The following MARCHF1 variants were observed in gnomAD, a reference collection of about 807,000 sequenced individuals.
MARCHF1 encodes E3 ubiquitin-protein ligase MARCHF1.
MARCHF1 carries 40 observed loss-of-function variants against 54.2 expected under a neutral mutation model. That is an observed-to-expected ratio of 0.74 (90% CI 0.57 to 0.96). The LOEUF is 0.96. MARCHF1 is among the 40% of genes least tolerant of loss of function. The pLI is 0.00. For missense variants in MARCHF1, 586 were observed against 656.5 expected (o/e 0.89, Z 1.17); for synonymous variants, 236 against 236.3 (o/e 1.00, Z 0.01).
chr4:163,884,936 G>T (rs1297493312), intron 3 of MARCHF1, among the ~76,000 whole-genome samples: 1 of 152,110 alleles, frequency 6.6e-6, no homozygotes, highest in African/African-American at 2.4e-5. Flanking sequence ...AAAGCTAATT[G>T]TCCACTATTC....
rs1741408208 is a variant in MARCHF1 at position 163,613,303 on chromosome 4, T to G, written c.242+11A>C. ...AAGAATATAGATTAAGATAATTTGTTCAGCACTTACCTGCAGATGTCCTGA... is the reference window on the plus strand; with the variant it reads ...AAGAATATAGATTAAGATAATTTGTGCAGCACTTACCTGCAGATGTCCTGA... On this transcript the variant is annotated intron_variant, in intron 6 of 9. Transcript: ENST00000514618. The G allele has an allele frequency of 1.9e-6, 3 of 1,599,642 alleles. No individual in the cohort carries two copies. The African/African-American group carries it at 4.1e-5, about 22-fold the overall frequency.
intron 4 of MARCHF1, among the ~76,000 whole-genome samples, chr4:163,746,899 G>A (rs896175658): frequency 1.3e-5 from 2 of 152,260 alleles, no homozygotes; most frequent in East Asian, 1.9e-4. Context: ...CTTTCTCAGA[G>A]GCTAAAAACT....
intron 2 of MARCHF1, among the ~76,000 whole-genome samples, chr4:164,058,811 G>T (rs1754549850): frequency 6.6e-6 from 1 of 152,302 alleles, no homozygotes; most frequent in East Asian, 1.9e-4. Context: ...GGAATGGTTG[G>T]TAAAGTCTCT....
chr4:164,076,045 T>A (rs575876291), intron 2 of MARCHF1, among the ~76,000 whole-genome samples: 1 of 152,194 alleles, frequency 6.6e-6, no homozygotes, highest in South Asian at 2.1e-4. Flanking sequence ...AGGTGCTTGG[T>A]AGGTGCTTAA....
At chr4:163,878,845 T>G (rs1750352219) in intron 3 of MARCHF1, among the ~76,000 whole-genome samples, 1 of 152,194 alleles carries the variant, frequency 6.6e-6, no homozygotes, top group Non-Finnish European at 1.5e-5. Context: ...AGTAATTAGG[T>G]AAGTTTATTC....
At chr4:163,617,053 A>G (rs1741538206) in intron 5 of MARCHF1, among the ~76,000 whole-genome samples, 1 of 152,190 alleles carries the variant, frequency 6.6e-6, no homozygotes, top group African/African-American at 2.4e-5. Flanking sequence ...ATATATATGC[A>G]TAATACAATT....
At chr4:164,161,181 G>C (rs147221439) in intron 1 of MARCHF1, among the ~76,000 whole-genome samples, 95 of 152,160 alleles carry the variant, frequency 6.2e-4, no homozygotes, top group African/African-American at 2.1e-3. Context: ...CATCACCCTT[G>C]GTTCTGTCCT....
chr4:164,001,577 A>C (rs1196910841), intron 2 of MARCHF1, among the ~76,000 whole-genome samples: 1 of 151,922 alleles, frequency 6.6e-6, no homozygotes, highest in East Asian at 1.9e-4. Flanking sequence ...TAGGCAGCAC[A>C]GACACATGAT....
intron 1 of MARCHF1, among the ~76,000 whole-genome samples, chr4:164,325,773 C>G (rs766183410): frequency 5.9e-5 from 9 of 151,488 alleles, no homozygotes; most frequent in African/African-American, 1.7e-4. Context: ...GAAAGAAAAC[C>G]TAAATTGTAT....
intron 7 of MARCHF1, among the ~76,000 whole-genome samples, chr4:163,588,148 G>T (rs1740471526): frequency 6.6e-6 from 1 of 152,162 alleles, no homozygotes; most frequent in Non-Finnish European, 1.5e-5. Flanking sequence ...GCTGGGATGA[G>T]AACACAGGGA....
chr4:164,281,641 A>T (rs917451846), intron 1 of MARCHF1, among the ~76,000 whole-genome samples: 1 of 152,174 alleles, frequency 6.6e-6, no homozygotes, highest in Non-Finnish European at 1.5e-5. Context: ...TAGGGCTGCA[A>T]TGGTGAGAAG....
At chr4:164,261,311 G>A (rs187703143) in intron 1 of MARCHF1, among the ~76,000 whole-genome samples, 99 of 152,116 alleles carry the variant, frequency 6.5e-4, no homozygotes, top group African/African-American at 2.2e-3. Context: ...ATCTGCTAAG[G>A]TAGATATGAT....
At chr4:164,168,306 C>T (rs1730432483) in intron 1 of MARCHF1, among the ~76,000 whole-genome samples, 1 of 151,848 alleles carries the variant, frequency 6.6e-6, no homozygotes, top group Non-Finnish European at 1.5e-5. Flanking sequence ...AAAACAGAAC[C>T]TTAGTGTATT....
At chr4:163,984,498 G>A (rs1752823436) in intron 3 of MARCHF1, among the ~76,000 whole-genome samples, 1 of 152,148 alleles carries the variant, frequency 6.6e-6, no homozygotes, top group African/African-American at 2.4e-5. Flanking sequence ...TGCAGCGCAG[G>A]TGCCAGAAAC....
At chr4:163,605,781 T>C (rs1741121363) in intron 7 of MARCHF1, among the ~76,000 whole-genome samples, 2 of 152,068 alleles carry the variant, frequency 1.3e-5, no homozygotes, top group Admixed American at 1.3e-4. Flanking sequence ...CTGGAAACCA[T>C]CATTCTCAGC....
chr4:163,636,605 C>A (rs544881987), intron 5 of MARCHF1, among the ~76,000 whole-genome samples: 3,641 of 151,552 alleles, frequency 0.024, 61 homozygotes, highest in South Asian at 0.047. Flanking sequence ...AGGATACAAA[C>A]AAATGGAAGA....
At chr4:163,922,450 G>T (rs1751452603) in intron 3 of MARCHF1, among the ~76,000 whole-genome samples, 1 of 151,874 alleles carries the variant, frequency 6.6e-6, no homozygotes, top group Non-Finnish European at 1.5e-5. Flanking sequence ...TTTGCCTATT[G>T]TACAGTGAGT....
At chr4:164,221,675 T>C (rs1732116919) in intron 1 of MARCHF1, among the ~76,000 whole-genome samples, 1 of 151,994 alleles carries the variant, frequency 6.6e-6, no homozygotes, top group African/African-American at 2.4e-5. Flanking sequence ...TCTTCTCTCC[T>C]CCACCATCAA....
chr4:163,741,950 T>G (rs1161840284), intron 4 of MARCHF1, among the ~76,000 whole-genome samples: 4 of 152,246 alleles, frequency 2.6e-5, no homozygotes, highest in Non-Finnish European at 5.9e-5. Context: ...TTAATTTCCT[T>G]CACAAAGTTG....
Sources: allele counts gnomAD v4.1 joint callset (sites outside exome capture counted in the v4.1 genomes callset), GRCh38; gene constraint gnomAD v4.1.1; transcripts MANE v1.5; gene names NCBI Gene and HGNC (gene_info 2026-07-23, HGNC 2026-07-21).